The following ATP6V1H variants were observed in gnomAD, a reference collection of about 807,000 sequenced individuals.
The protein encoded by ATP6V1H is V-type proton ATPase subunit H.
In ATP6V1H, 39 loss-of-function variants were observed where a neutral mutation model predicts 71.7. The observed-to-expected ratio is 0.54, with a 90% CI of 0.42 to 0.71. The LOEUF (loss-of-function observed/expected upper bound fraction) is 0.71, where lower values mean the gene tolerates loss of function less well. Among genes scored for constraint, ATP6V1H ranks in the 30% least tolerant of loss-of-function variants. The probability of loss-of-function intolerance (pLI) is 0.00; values close to 1 mark genes in which losing one functional copy is unlikely to be tolerated. For missense variants in ATP6V1H, 509 were observed against 594.9 expected (o/e 0.86, Z 1.50); for synonymous variants, 192 against 199.3 (o/e 0.96, Z 0.31).
chr8:53,788,822 TA>T (rs1250622543), intron 9 of ATP6V1H, among the ~76,000 whole-genome samples: 2 of 152,156 alleles, frequency 1.3e-5, no homozygotes, highest in Admixed American at 6.5e-5. Context: ...TCCATAAAGG[TA>T]CATAATTAAT....
intron 13 of ATP6V1H, among the ~76,000 whole-genome samples, chr8:53,726,957 T>G (rs933954544): frequency 2.6e-5 from 4 of 152,260 alleles, no homozygotes; most frequent in Non-Finnish European, 5.9e-5. Context: ...AGGAAAACAC[T>G]TATTCGGCAT....
chr8:53,728,637 G>A (rs1488033114), intron 13 of ATP6V1H, among the ~76,000 whole-genome samples: 2 of 152,234 alleles, frequency 1.3e-5, no homozygotes, highest in South Asian at 4.1e-4. Flanking sequence ...CCATCCACTC[G>A]ACGGCATTTG....
At chr8:53,804,378 T>C (rs1810011175) in intron 7 of ATP6V1H, among the ~76,000 whole-genome samples, 1 of 152,120 alleles carries the variant, frequency 6.6e-6, no homozygotes. Context: ...TTTGCTGAAA[T>C]GAAAATACTG....
At chr8:53,719,450 C>T (rs372852644) in intron 13 of ATP6V1H, among the ~76,000 whole-genome samples, 1 of 152,160 alleles carries the variant, frequency 6.6e-6, no homozygotes, top group Non-Finnish European at 1.5e-5. Context: ...ATCACTGCAC[C>T]TGGCCAGCTT....
intron 13 of ATP6V1H, chr8:53,739,682 G>A (rs897171440): frequency 4.6e-5 from 7 of 152,162 alleles, no homozygotes; most frequent in Admixed American, 2.6e-4. Flanking sequence ...GATGTGAAAC[G>A]GATGAATTAG....
intron 11 of ATP6V1H, among the ~76,000 whole-genome samples, chr8:53,766,797 G>A (rs183305370): frequency 2.6e-5 from 4 of 152,228 alleles, no homozygotes; most frequent in East Asian, 1.9e-4. Flanking sequence ...TGGTCAGACC[G>A]GTTGATCTCA....
intron 10 of ATP6V1H, among the ~76,000 whole-genome samples, chr8:53,770,860 T>C (rs563363977): frequency 3.3e-5 from 5 of 152,230 alleles, no homozygotes; most frequent in Non-Finnish European, 7.3e-5. Context: ...ACAGAATGTA[T>C]AGCTGTGAAG....
intron 4 of ATP6V1H, among the ~76,000 whole-genome samples, chr8:53,824,204 T>C (rs1232143059): frequency 6.6e-6 from 1 of 152,146 alleles, no homozygotes; most frequent in Non-Finnish European, 1.5e-5. Flanking sequence ...AAATGAACAA[T>C]TTCTGTAGAA....
chr8:53,789,438 C>G (rs113324775), intron 9 of ATP6V1H, among the ~76,000 whole-genome samples: 1 of 151,848 alleles, frequency 6.6e-6, no homozygotes, highest in East Asian at 1.9e-4. Flanking sequence ...TTTGGGAGGC[C>G]GAAGCAGGCA....
intron 13 of ATP6V1H, among the ~76,000 whole-genome samples, chr8:53,728,487 CTTT>C: frequency 6.6e-6 from 1 of 152,346 alleles, no homozygotes; most frequent in East Asian, 1.9e-4. Flanking sequence ...ATTAACTCCA[CTTT>C]TTTTAACTTT....
chr8:53,800,598 A>G lies in ATP6V1H; in HGVS notation c.677+1201T>C, dbSNP rs143333914. Among the ~76,000 whole-genome samples, 337 of 152,318 alleles carry G rather than the reference A, an allele frequency of 2.2e-3. 2 individuals are homozygous for G. The highest frequency in any genetic ancestry group is 7.8e-3 in the African/African-American group (326 of 41,558). On this transcript the variant is annotated intron_variant, in intron 8 of 13. Transcript: ENST00000359530. ...TGAGGAATATATTTCTAAGGACAAAAAGGAAATATAGTATTCTCAACTAGT... is the reference window on the plus strand; with the variant it reads ...TGAGGAATATATTTCTAAGGACAAAGAGGAAATATAGTATTCTCAACTAGT...
intron 13 of ATP6V1H, among the ~76,000 whole-genome samples, chr8:53,725,266 G>T (rs1027042148): frequency 2.0e-5 from 3 of 152,066 alleles, no homozygotes; most frequent in Non-Finnish European, 4.4e-5. Context: ...TAGCATGAGC[G>T]GGCACTCAGC....
intron 4 of ATP6V1H, among the ~76,000 whole-genome samples, chr8:53,819,088 C>A (rs1810547588): frequency 6.6e-6 from 1 of 151,692 alleles, no homozygotes; most frequent in African/African-American, 2.4e-5. Context: ...CGCCTATGGT[C>A]CCAGCTACTC....
chr8:53,803,659 C>T (rs1809986833), intron 7 of ATP6V1H, among the ~76,000 whole-genome samples: 1 of 151,942 alleles, frequency 6.6e-6, no homozygotes, highest in Non-Finnish European at 1.5e-5. Context: ...AATTTAGTTC[C>T]ACAAAAACAC....
intron 9 of ATP6V1H, among the ~76,000 whole-genome samples, chr8:53,789,674 A>G (rs987128024): frequency 4.6e-5 from 7 of 152,192 alleles, no homozygotes; most frequent in African/African-American, 1.7e-4. Context: ...TCTTTCCCAT[A>G]CGTCTATTTC....
intron 9 of ATP6V1H, among the ~76,000 whole-genome samples, chr8:53,789,161 T>C (rs1809482979): frequency 6.6e-6 from 1 of 152,210 alleles, no homozygotes; most frequent in Non-Finnish European, 1.5e-5. Context: ...ATTCAATTAA[T>C]ATCAACTAAT....
At chr8:53,740,836 G>A (rs1025288320) in intron 13 of ATP6V1H, among the ~76,000 whole-genome samples, 1 of 152,124 alleles carries the variant, frequency 6.6e-6, no homozygotes, top group African/African-American at 2.4e-5. Flanking sequence ...AATTAAACTG[G>A]TATTGTAATA....
intron 5 of ATP6V1H, among the ~76,000 whole-genome samples, chr8:53,816,731 G>T (rs930298655): frequency 1.3e-5 from 2 of 152,096 alleles, no homozygotes; most frequent in African/African-American, 4.8e-5. Context: ...GGGAGGCGGA[G>T]GTTGCAGCAA....
At chr8:53,812,153 G>C (rs1205519213) in intron 6 of ATP6V1H, among the ~76,000 whole-genome samples, 1 of 152,082 alleles carries the variant, frequency 6.6e-6, no homozygotes, top group East Asian at 1.9e-4. Flanking sequence ...CCTGCCCACA[G>C]CAAGAGGGAC....
Sources: gnomAD v4.1 joint callset for allele counts (sites outside exome capture counted in the v4.1 genomes callset) on GRCh38, gnomAD v4.1.1 for gene constraint, MANE v1.5 for transcripts, NCBI Gene and HGNC (gene_info 2026-07-23, HGNC 2026-07-21) for gene names.